Variants in ALKBH8 observed in about 807,000 individuals in gnomAD.
ALKBH8 encodes tRNA (carboxymethyluridine(34)-5-O)-methyltransferase ALKBH8.
ALKBH8 carries 36 observed loss-of-function variants against 59.8 expected under a neutral mutation model. That is an observed-to-expected ratio of 0.60 (90% CI 0.46 to 0.79). The LOEUF is 0.79. Ranked by LOEUF, ALKBH8 falls within the 30% of genes least tolerant of loss-of-function variation. The pLI, the probability that ALKBH8 is intolerant of heterozygous loss-of-function variation, is 0.00. For synonymous variants in ALKBH8, 276 were observed against 273.6 expected (o/e 1.01, Z -0.09); for missense variants, 768 against 801.0 (o/e 0.96, Z 0.50).
chr11:107,528,939 T>G (rs1863462460), intron 8 of ALKBH8, among the ~76,000 whole-genome samples: 1 of 152,200 alleles, frequency 6.6e-6, no homozygotes, highest in Non-Finnish European at 1.5e-5. Context: ...TTCAAGTTTA[T>G]GTAGTCAGGA....
intron 4 of ALKBH8, 109 bp from the exon 5 acceptor site, chr11:107,553,312 T>C: frequency 4.9e-6 from 3 of 609,706 alleles, no homozygotes; most frequent in South Asian, 5.0e-5. Context: ...GCAACTTCTG[T>C]TAATTGGTAA....
At chr11:107,517,893 G>A (rs1862933363) in intron 10 of ALKBH8, among the ~76,000 whole-genome samples, 1 of 152,142 alleles carries the variant, frequency 6.6e-6, no homozygotes, top group South Asian at 2.1e-4. Flanking sequence ...AAAAATGCTA[G>A]GAGAATGGAT....
chr11:107,516,666 C>T (rs1230658557), intron 10 of ALKBH8, among the ~76,000 whole-genome samples: 1 of 152,158 alleles, frequency 6.6e-6, no homozygotes, highest in Non-Finnish European at 1.5e-5. Flanking sequence ...GAAGAGACAA[C>T]CTACAGAATA....
chr11:107,552,567 T>G (rs1026004917), intron 5 of ALKBH8, among the ~76,000 whole-genome samples: 2 of 152,134 alleles, frequency 1.3e-5, no homozygotes, highest in African/African-American at 2.4e-5. Flanking sequence ...CAAGAAATTA[T>G]AAATTTAAAA....
chr11:107,556,069 G>A (rs1478025488), intron 3 of ALKBH8, among the ~76,000 whole-genome samples: 1 of 152,152 alleles, frequency 6.6e-6, no homozygotes, highest in Non-Finnish European at 1.5e-5. Flanking sequence ...TACGAGGTCA[G>A]GAGTTCGAGG....
chr11:107,564,844 C>A (rs1865067950), intron 1 of ALKBH8, among the ~76,000 whole-genome samples: 1 of 152,148 alleles, frequency 6.6e-6, no homozygotes, highest in Non-Finnish European at 1.5e-5. Context: ...CCCTGTAGCA[C>A]CCAGCACTTA....
At chr11:107,563,079 G>C (rs1438305283) in intron 1 of ALKBH8, among the ~76,000 whole-genome samples, 1 of 152,100 alleles carries the variant, frequency 6.6e-6, no homozygotes, top group Non-Finnish European at 1.5e-5. Context: ...TAATGTTTAA[G>C]GTATTGTGAG....
intron 11 of ALKBH8, among the ~76,000 whole-genome samples, chr11:107,508,081 T>C (rs1436279925): frequency 6.6e-6 from 1 of 152,008 alleles, no homozygotes; most frequent in Non-Finnish European, 1.5e-5. Flanking sequence ...CCTCCTCCAC[T>C]AAACTATGAG....
At chr11:107,550,815 CAG>C (rs1864458445) in intron 6 of ALKBH8, among the ~76,000 whole-genome samples, 2 of 152,184 alleles carry the variant, frequency 1.3e-5, no homozygotes, top group Non-Finnish European at 2.9e-5. Context: ...CATGCACACA[CAG>C]AGAAAAGGAC....
At chr11:107,526,521 A>G (rs988329090) in intron 8 of ALKBH8, among the ~76,000 whole-genome samples, 5 of 151,850 alleles carry the variant, frequency 3.3e-5, no homozygotes, top group Non-Finnish European at 7.4e-5. Context: ...TTTTCTCTCC[A>G]TGTGTGGCTG....
intron 7 of ALKBH8, among the ~76,000 whole-genome samples, chr11:107,535,358 T>C (rs1344482568): frequency 3.9e-5 from 6 of 152,352 alleles, no homozygotes; most frequent in African/African-American, 1.4e-4. Context: ...TGTACTACTT[T>C]ACATTCTGAC....
intron 7 of ALKBH8, among the ~76,000 whole-genome samples, chr11:107,537,428 A>C (rs1239818105): frequency 2.0e-5 from 3 of 152,194 alleles, no homozygotes; most frequent in Non-Finnish European, 2.9e-5. Flanking sequence ...GTTGGAAGCC[A>C]CTATCTTCAG....
intron 7 of ALKBH8, among the ~76,000 whole-genome samples, chr11:107,543,549 C>G (rs1235742080): frequency 2.0e-5 from 3 of 152,152 alleles, no homozygotes; most frequent in African/African-American, 7.2e-5. Context: ...ATAGACAACT[C>G]TCCAATATGT....
In ALKBH8 at chr11:107,525,569, G is replaced by T; in HGVS notation, c.902C>A (p.Thr301Asn). 1 of 1,441,658 alleles carries T rather than the reference G, an allele frequency of 6.9e-7. No homozygotes were observed. Among genetic ancestry groups the T allele is most frequent in the South Asian group, 1.5e-5 (1 of 67,280 alleles). The allele number at this position is 1,441,658 out of a possible 1,614,324, so 89.3% of individuals were successfully genotyped here. ...TTTAAGACTCTCAGATGCTTGAACA[G>T]TATCAAATTTTCTGCACGTGATTCT... ...THGITCRKFD[T>N]VQASESLKSG... Residue 301 changes from threonine (T) to asparagine (N), a missense_variant, in exon 9 of 12, where the codon ACT becomes AAT. Coordinates refer to ENST00000428149, the MANE Select transcript of ALKBH8 (RefSeq NM_138775.3).
chr11:107,542,022 T>C (rs1864055946), intron 7 of ALKBH8, among the ~76,000 whole-genome samples: 1 of 151,750 alleles, frequency 6.6e-6, no homozygotes, highest in South Asian at 2.1e-4. Flanking sequence ...AAAGAATTAG[T>C]GACAGAAGAA....
At chr11:107,529,724 C>A (rs1322222512) in intron 8 of ALKBH8, among the ~76,000 whole-genome samples, 1 of 151,726 alleles carries the variant, frequency 6.6e-6, no homozygotes, top group African/African-American at 2.4e-5. Flanking sequence ...AGTCTGGTCT[C>A]GGACTCCTGA....
chr11:107,533,838 T>C (rs1199283134), intron 7 of ALKBH8, among the ~76,000 whole-genome samples: 1 of 152,056 alleles, frequency 6.6e-6, no homozygotes, highest in African/African-American at 2.4e-5. Flanking sequence ...TATGAAAATA[T>C]TCATAATTGG....
At chr11:107,534,535 T>C (rs1295789239) in intron 7 of ALKBH8, among the ~76,000 whole-genome samples, 1 of 152,194 alleles carries the variant, frequency 6.6e-6, no homozygotes, top group Non-Finnish European at 1.5e-5. Flanking sequence ...ATTTGTGAAA[T>C]TCAAACTTAT....
rs1864906440 is a variant in ALKBH8 at position 107,560,863 on chromosome 11, G to A, written c.31C>T (p.Leu11Phe). ...AAGAACTTCTTCTCAGTTTTACTGAGTTTGTAATTACTTTGATGGTTGCTG... is the reference window on the plus strand; with the variant it reads ...AAGAACTTCTTCTCAGTTTTACTGAATTTGTAATTACTTTGATGGTTGCTG... MDSNHQSNYK[L>F]SKTEKKFLRK... is the part of the protein sequence containing the mutation. The change falls in exon 2 of 12, where the codon CTC (leucine) becomes TTC (phenylalanine). Residue 11 changes from leucine (L) to phenylalanine (F), a missense_variant. Leu to Phe is a conservative substitution (Grantham distance 22, BLOSUM62 0). Transcript: ENST00000428149. The A allele has an allele frequency of 6.2e-7, 1 of 1,612,410 alleles. No homozygotes were observed. The highest frequency in any genetic ancestry group is 8.5e-7 in the Non-Finnish European group (1 of 1,179,258).
Sources: gnomAD v4.1 joint callset for allele counts (sites outside exome capture counted in the v4.1 genomes callset) on GRCh38, gnomAD v4.1.1 for gene constraint, MANE v1.5 for transcripts, NCBI Gene and HGNC (gene_info 2026-07-23, HGNC 2026-07-21) for gene names.